SNTB1: variants seen among roughly 807,000 people sequenced by gnomAD.
The protein encoded by SNTB1 is syntrophin beta 1.
Under a neutral mutation model 48.9 loss-of-function variants are expected in SNTB1, and 36 were observed. The observed-to-expected ratio is 0.74, with a 90% CI of 0.56 to 0.97. SNTB1 has a LOEUF of 0.97. SNTB1 is among the 50% of genes least tolerant of loss of function. SNTB1 has a pLI of 0.00. For missense variants in SNTB1, 786 were observed against 703.4 expected, an observed-to-expected ratio of 1.12 and a Z score of -1.33; for synonymous variants, 299 against 294.6, an observed-to-expected ratio of 1.01 and a Z score of -0.15.
At chr8:120,767,424 C>T (rs1469419865) in intron 1 of SNTB1, among the ~76,000 whole-genome samples, 3 of 152,130 alleles carry the variant, frequency 2.0e-5, no homozygotes, top group African/African-American at 7.2e-5. Context: ...CATACACACA[C>T]CATGCATATA....
chr8:120,756,034 T>A (rs776116364), intron 1 of SNTB1, among the ~76,000 whole-genome samples: 25 of 152,086 alleles, frequency 1.6e-4, no homozygotes, highest in Non-Finnish European at 3.2e-4. Flanking sequence ...TCTCCATGGA[T>A]TGCTATCTTT....
intron 3 of SNTB1, among the ~76,000 whole-genome samples, chr8:120,595,674 C>T (rs1166137570): frequency 6.6e-6 from 1 of 151,904 alleles, no homozygotes; most frequent in African/African-American, 2.4e-5. Context: ...ACCTCTGCCT[C>T]ATGGGTTCAA....
At chr8:120,673,522 C>A (rs1817789070) in intron 2 of SNTB1, among the ~76,000 whole-genome samples, 1 of 152,104 alleles carries the variant, frequency 6.6e-6, no homozygotes. Flanking sequence ...AGCTCCTGAC[C>A]TCAGGTGATC....
At chr8:120,710,268 G>A (rs1164915275) in intron 1 of SNTB1, among the ~76,000 whole-genome samples, 1 of 152,172 alleles carries the variant, frequency 6.6e-6, no homozygotes, top group African/African-American at 2.4e-5. Context: ...GTGTTGTGAA[G>A]GGAAAACTCA....
intron 4 of SNTB1, among the ~76,000 whole-genome samples, chr8:120,551,339 A>T (rs1815476594): frequency 6.6e-6 from 1 of 152,088 alleles, no homozygotes; most frequent in Admixed American, 6.6e-5. Context: ...GAATCCAGAA[A>T]TTAAATAGCT....
intron 4 of SNTB1, chr8:120,571,473 T>C (rs1251395208): frequency 1.2e-4 from 43 of 361,570 alleles, no homozygotes; most frequent in African/African-American, 8.4e-4. Flanking sequence ...ATTCTGACTA[T>C]TGAGGGTTTT....
rs141984920 is a variant in SNTB1, at chr8:120,785,336, G to A, written c.571+25937C>T. Among the ~76,000 whole-genome samples the A allele has an allele frequency of 9.2e-5, 14 of 152,310 alleles. No homozygotes were observed. In the East Asian group the frequency reaches 2.5e-3, roughly 27 times the overall value. ...TCTCAGTCAAGAAGGGTTATGGCCC[G>A]GGGCAGTTTTGGGTTCTGAGTACAG... On this transcript the variant is annotated intron_variant, in intron 1 of 6. Coordinates refer to ENST00000517992, the MANE Select transcript of SNTB1 (RefSeq NM_021021.4).
At position 120,647,058 on chromosome 8, in the gene SNTB1, TC is replaced by T. The variant is rs1479961003; in HGVS notation, c.789-14408del. Among the ~76,000 whole-genome samples, 5 of 145,146 alleles carry T rather than the reference TC, an allele frequency of 3.4e-5. No individual in the cohort carries two copies. The East Asian group carries it at 6.0e-4, about 17-fold the overall frequency. On this transcript the variant is annotated intron_variant, in intron 2 of 6. Coordinates refer to ENST00000517992, the MANE Select transcript of SNTB1 (RefSeq NM_021021.4). ...GCGTCTATTTGATTCTTCTCTCTTT[TC>T]TTCTTTATTAGTCTTGCTAGCGGTC...
chr8:120,615,159 C>CA (rs1177005605), intron 3 of SNTB1, among the ~76,000 whole-genome samples: 223 of 151,434 alleles, frequency 1.5e-3, no homozygotes, highest in African/African-American at 4.6e-3. Context: ...CAAAACAAAA[C>CA]AAAAAAAACA....
chr8:120,772,327 C>A (rs896849021), intron 1 of SNTB1, among the ~76,000 whole-genome samples: 2 of 151,866 alleles, frequency 1.3e-5, no homozygotes, highest in Non-Finnish European at 2.9e-5. Flanking sequence ...CTCACTGCAC[C>A]CTCTGCCTCC....
intron 2 of SNTB1, 131 bp from the exon 3 acceptor site, chr8:120,632,782 A>G (rs1291262153): frequency 1.4e-6 from 1 of 723,270 alleles, no homozygotes; most frequent in African/African-American, 1.8e-5. Flanking sequence ...GGGATGCCTT[A>G]ACAGTCCCGC....
intron 3 of SNTB1, among the ~76,000 whole-genome samples, chr8:120,605,663 G>A (rs1816501401): frequency 6.6e-6 from 1 of 152,036 alleles, no homozygotes; most frequent in Admixed American, 6.6e-5. Context: ...TTATATAATG[G>A]GAACCTTCTG....
At chr8:120,552,756 T>C (rs1283398713) in intron 4 of SNTB1, among the ~76,000 whole-genome samples, 1 of 152,132 alleles carries the variant, frequency 6.6e-6, no homozygotes, top group Non-Finnish European at 1.5e-5. Context: ...TTTGGGATGA[T>C]TCAAGCGCAT....
At chr8:120,740,697 C>T (rs1048930343) in intron 1 of SNTB1, among the ~76,000 whole-genome samples, 51 of 151,906 alleles carry the variant, frequency 3.4e-4, no homozygotes, top group Non-Finnish European at 6.2e-4. Context: ...AGACTTTGTC[C>T]GGAAGAGAGA....
At chr8:120,661,866 A>G (rs1817594557) in intron 2 of SNTB1, among the ~76,000 whole-genome samples, 1 of 152,196 alleles carries the variant, frequency 6.6e-6, no homozygotes, top group Non-Finnish European at 1.5e-5. Context: ...TTTCTTAACA[A>G]CTAAGTTTAT....
intron 1 of SNTB1, among the ~76,000 whole-genome samples, chr8:120,763,911 C>T (rs1453100923): frequency 1.3e-5 from 2 of 152,030 alleles, no homozygotes; most frequent in African/African-American, 4.8e-5. Context: ...CCTGCCTTGG[C>T]CTTCCAAAGA....
At chr8:120,552,722 A>G (rs1381500866) in intron 4 of SNTB1, among the ~76,000 whole-genome samples, 1 of 152,004 alleles carries the variant, frequency 6.6e-6, no homozygotes, top group Non-Finnish European at 1.5e-5. Flanking sequence ...TGAGATGGGG[A>G]ATTGGGGATT....
At position 120,663,108 on chromosome 8, in the gene SNTB1, C is replaced by T. The variant is rs1166211360; in HGVS notation, c.789-30457G>A. 2.0e-5 allele frequency among the ~76,000 whole-genome samples: 3 copies of T among 151,984 alleles called. No homozygotes were observed. In the East Asian group the frequency reaches 5.8e-4, roughly 29 times the overall value. ...CCGCATAGCACAGAAGTTAGAATGT[C>T]GTTAACAGAGCCAGTTTGCCTAGGT... On this transcript the variant is annotated intron_variant, in intron 2 of 6. Coordinates refer to ENST00000517992, the MANE Select transcript of SNTB1 (RefSeq NM_021021.4).
intron 1 of SNTB1, among the ~76,000 whole-genome samples, chr8:120,729,003 T>C (rs947000378): frequency 1.1e-4 from 16 of 151,562 alleles, no homozygotes; most frequent in Non-Finnish European, 1.9e-4. Flanking sequence ...TTTTTTGAAA[T>C]GGGGTCTCAC....
Sources: allele counts gnomAD v4.1 joint callset (sites outside exome capture counted in the v4.1 genomes callset), GRCh38; gene constraint gnomAD v4.1.1; transcripts MANE v1.5; gene names NCBI Gene and HGNC (gene_info 2026-07-23, HGNC 2026-07-21).